Variants in GDAP1 observed in about 807,000 individuals in gnomAD.
GDAP1 encodes ganglioside-induced differentiation-associated protein 1.
Under a neutral mutation model 40.1 loss-of-function variants are expected in GDAP1, and 34 were observed. That is an observed-to-expected ratio of 0.85 (90% CI 0.64 to 1.13). The LOEUF is 1.13. Ranked by LOEUF, GDAP1 falls within the 50% of genes most tolerant of loss-of-function variation. The pLI is 0.00. For missense variants in GDAP1, 374 were observed against 433.7 expected (o/e 0.86, Z 1.22); for synonymous variants, 170 against 157.4 (o/e 1.08, Z -0.60).
rs1050275921 is a variant in GDAP1 at position 74,475,870 on chromosome 8, T to C, written c.166-12808T>C. ...TCTGACTCAATGATCTGTCTAATAC[T>C]GTCAATGGGGTGTTGAATTCTCTCA... On this transcript the variant is annotated intron_variant, in intron 2 of 2. Coordinates refer to the GDAP1 transcript ENST00000523640. Among the ~76,000 whole-genome samples, 8 of 152,256 alleles carry C rather than the reference T, an allele frequency of 5.3e-5. No individual in the cohort carries two copies. In the East Asian group the frequency reaches 1.3e-3, roughly 26 times the overall value.
At chr8:74,446,904 G>C (rs909858271) in intron 2 of GDAP1, among the ~76,000 whole-genome samples, 23 of 152,256 alleles carry the variant, frequency 1.5e-4, no homozygotes, top group African/African-American at 5.1e-4. Context: ...AGGGGCTGGG[G>C]GAGGAGAGAG....
At chr8:74,398,150 C>G (rs1296365368) in intron 2 of GDAP1, among the ~76,000 whole-genome samples, 4 of 151,962 alleles carry the variant, frequency 2.6e-5, no homozygotes, top group Non-Finnish European at 5.9e-5. Flanking sequence ...TGATTTGGCT[C>G]TCTGTTTGTC....
intron 2 of GDAP1, among the ~76,000 whole-genome samples, chr8:74,398,612 T>C (rs1810254870): frequency 6.6e-6 from 1 of 152,236 alleles, no homozygotes. Flanking sequence ...AGAGAGGGCA[T>C]CCCTGTCTTG....
At chr8:74,457,061 C>A (rs1806344635) in intron 2 of GDAP1, among the ~76,000 whole-genome samples, 1 of 152,036 alleles carries the variant, frequency 6.6e-6, no homozygotes. Context: ...AGTTTGGAAG[C>A]CCAGCAAAAT....
chr8:74,481,650 G>C (rs1419609083), intron 2 of GDAP1, among the ~76,000 whole-genome samples: 1 of 152,170 alleles, frequency 6.6e-6, no homozygotes, highest in Non-Finnish European at 1.5e-5. Flanking sequence ...GTTTTGGTCT[G>C]ACTGGAGCTA....
At chr8:74,385,267 T>G (rs1810009281) in intron 2 of GDAP1, among the ~76,000 whole-genome samples, 1 of 152,116 alleles carries the variant, frequency 6.6e-6, no homozygotes, top group African/African-American at 2.4e-5. Context: ...CATGGTGGTT[T>G]GCTGCACCCA....
At chr8:74,445,705 G>A (rs1036860218) in intron 2 of GDAP1, among the ~76,000 whole-genome samples, 1 of 152,062 alleles carries the variant, frequency 6.6e-6, no homozygotes, top group Admixed American at 6.6e-5. Flanking sequence ...ATAGAAAGTT[G>A]CCTTTTTATA....
intron 2 of GDAP1, among the ~76,000 whole-genome samples, chr8:74,481,096 A>AC (rs1806705268): frequency 6.6e-6 from 1 of 152,256 alleles, no homozygotes; most frequent in Non-Finnish European, 1.5e-5. Context: ...AGCTAATATT[A>AC]CCATTTTCAT....
chr8:74,372,310 T>C (rs1228852887), intron 2 of GDAP1, among the ~76,000 whole-genome samples: 1 of 152,216 alleles, frequency 6.6e-6, no homozygotes, highest in Non-Finnish European at 1.5e-5. Flanking sequence ...GGTCAAATGC[T>C]ATTTCTAGTT....
chr8:74,449,663 T>C (rs973398652), intron 2 of GDAP1, among the ~76,000 whole-genome samples: 1 of 151,826 alleles, frequency 6.6e-6, no homozygotes, highest in Non-Finnish European at 1.5e-5. Flanking sequence ...ATCCTGCAAC[T>C]TTACTAAGCT....
rs1253321405 is a variant in GDAP1, at chr8:74,364,751, C to G, written c.*384C>G. 2.2e-6 allele frequency: 1 copy of G among 460,324 alleles called. No homozygotes were observed. The allele number at this position is 460,324 out of a possible 1,614,324, so 28.5% of individuals were successfully genotyped here. The stretch of plus-strand genomic sequence containing the variant: ...ACATACACTTCTGTAATTGAGAACT[C>G]TTAGGAGAGGACTAGGGAATCACTG... On this transcript the variant is annotated 3_prime_UTR_variant, in exon 6 of 6. Transcript: ENST00000220822.
intron 2 of GDAP1, among the ~76,000 whole-genome samples, chr8:74,397,665 T>A (rs1810232475): frequency 6.6e-6 from 1 of 152,112 alleles, no homozygotes; most frequent in Admixed American, 6.5e-5. Context: ...CAGATAGTTG[T>A]AGATATGCGG....
At chr8:74,475,796 T>A (rs1364274966) in intron 2 of GDAP1, among the ~76,000 whole-genome samples, 1 of 152,208 alleles carries the variant, frequency 6.6e-6, no homozygotes, top group Admixed American at 6.5e-5. Flanking sequence ...GTCTATTAGA[T>A]CCATTTGGTC....
At chr8:74,430,324 G>A (rs908463843) in intron 2 of GDAP1, among the ~76,000 whole-genome samples, 7 of 152,304 alleles carry the variant, frequency 4.6e-5, no homozygotes, top group African/African-American at 1.7e-4. Flanking sequence ...ATTACAGAAA[G>A]GTGTGTGGAC....
At chr8:74,363,781 T>C (rs1809484816) in intron 5 of GDAP1, among the ~76,000 whole-genome samples, 1 of 152,210 alleles carries the variant, frequency 6.6e-6, no homozygotes, top group Non-Finnish European at 1.5e-5. Flanking sequence ...GCAAGTCTCC[T>C]TTGGCCTAGG....
At chr8:74,484,885 T>A (rs556255468) in intron 2 of GDAP1, among the ~76,000 whole-genome samples, 1 of 152,142 alleles carries the variant, frequency 6.6e-6, no homozygotes, top group Non-Finnish European at 1.5e-5. Flanking sequence ...CTATGTTCTC[T>A]CATTACCACC....
At chr8:74,444,392 A>G (rs750468591) in intron 2 of GDAP1, among the ~76,000 whole-genome samples, 4 of 152,214 alleles carry the variant, frequency 2.6e-5, no homozygotes, top group African/African-American at 4.8e-5. Flanking sequence ...GATGAAGTCT[A>G]CATGAAAACT....
Position 74,405,671 on chromosome 8 carries a change from T to C in GDAP1, c.165+54350T>C, listed in dbSNP as rs796219496. ...ACTTAATTTTTCTTGAATTTAAAAA[T>C]AATATTTTGAGTGAATAGATAGTCC... On this transcript the variant is annotated intron_variant, in intron 2 of 2. Coordinates refer to the GDAP1 transcript ENST00000523640. Among the ~76,000 whole-genome samples the C allele has an allele frequency of 6.7e-5, 10 of 150,298 alleles. 1 individual carries two copies. The highest frequency in any genetic ancestry group is 2.5e-4 in the African/African-American group (10 of 39,610).
chr8:74,393,824 A>C (rs1227041467), intron 2 of GDAP1, among the ~76,000 whole-genome samples: 2 of 152,216 alleles, frequency 1.3e-5, no homozygotes, highest in Non-Finnish European at 2.9e-5. Flanking sequence ...GTATCTATGA[A>C]TACTTTTAAG....
Sources: gnomAD v4.1 joint callset for allele counts (sites outside exome capture counted in the v4.1 genomes callset) on GRCh38, gnomAD v4.1.1 for gene constraint, MANE v1.5 for transcripts, NCBI Gene and HGNC (gene_info 2026-07-23, HGNC 2026-07-21) for gene names.